Variants in PHF20 observed in about 807,000 individuals in gnomAD.
The protein encoded by PHF20 is glioma-expressed antigen 2.
A neutral mutation model predicts 113.5 loss-of-function variants in PHF20; 23 were observed. The observed-to-expected ratio is 0.20, with a 90% CI of 0.15 to 0.29. PHF20 has a LOEUF of 0.29. Among genes scored for constraint, PHF20 ranks in the 10% least tolerant of loss-of-function variants. The pLI is 1.00. For missense variants in PHF20, 943 were observed against 1,219.6 expected, an observed-to-expected ratio of 0.77 and a Z score of 3.38; for synonymous variants, 434 against 457.3, an observed-to-expected ratio of 0.95 and a Z score of 0.65.
At position 35,949,330 on chromosome 20, in the gene PHF20, G is replaced by A. The variant is rs530375826; in HGVS notation, c.*1703G>A. On this transcript the variant is annotated 3_prime_UTR_variant, in exon 18 of 18. Coordinates refer to ENST00000374012, the MANE Select transcript of PHF20 (RefSeq NM_016436.5). ...TGCAGTCTGAAAAGGGAAGAAACAG[G>A]ATGGCTTTCTGTAGCCACACCTGTG... 1.3e-5 allele frequency: 2 copies of A among 152,682 alleles called. No homozygotes were observed. Among genetic ancestry groups the A allele is most frequent in the African/African-American group, 4.8e-5 (2 of 41,590 alleles). The allele number at this position is 152,682 out of a possible 1,614,324, so 9.5% of individuals were successfully genotyped here. A position where few individuals can be genotyped will look rare whatever the true frequency, so the allele number is the denominator to read the frequency against.
intron 13 of PHF20, among the ~76,000 whole-genome samples, chr20:35,920,653 G>T (rs376526969): frequency 1.8e-4 from 28 of 152,280 alleles, no homozygotes; most frequent in African/African-American, 6.7e-4. Flanking sequence ...AGTGAAACAA[G>T]AAAAATTTGT....
Position 35,947,641 on chromosome 20 carries a change from A to T in PHF20, c.*14A>T. ...TGCTCAACATGAAACTGGGCACCCAAAACTCATGGGGGCACAATCCTGGGG... is the reference window on the plus strand; with the variant it reads ...TGCTCAACATGAAACTGGGCACCCATAACTCATGGGGGCACAATCCTGGGG... On this transcript the variant is annotated 3_prime_UTR_variant, in exon 18 of 18. Transcript: ENST00000374012. 2 of 1,611,514 alleles carry T rather than the reference A, an allele frequency of 1.2e-6. No individual in the cohort carries two copies. Among genetic ancestry groups the T allele is most frequent in the Non-Finnish European group, 1.7e-6 (2 of 1,178,250 alleles).
chr20:35,835,820 C>G (rs1416493550), intron 2 of PHF20, among the ~76,000 whole-genome samples: 5 of 152,012 alleles, frequency 3.3e-5, no homozygotes, highest in African/African-American at 1.2e-4. Context: ...GTCCCAGCTA[C>G]TGGGGAGGCT....
At chr20:35,882,718 A>G (rs1420087237) in intron 9 of PHF20, among the ~76,000 whole-genome samples, 1 of 152,134 alleles carries the variant, frequency 6.6e-6, no homozygotes, top group African/African-American at 2.4e-5. Context: ...GCCCAGCCCT[A>G]TCTTCTTTCA....
intron 15 of PHF20, among the ~76,000 whole-genome samples, chr20:35,934,598 T>C (rs2064724): frequency 0.26 from 39,556 of 152,200 alleles, 6,176 homozygotes; most frequent in African/African-American, 0.44. Context: ...TTCACCTGCA[T>C]TTCAGCTCTA....
intron 13 of PHF20, among the ~76,000 whole-genome samples, chr20:35,921,480 C>T (rs1453944566): frequency 1.3e-5 from 2 of 151,698 alleles, no homozygotes; most frequent in East Asian, 1.9e-4. Context: ...CCCAGGAGTT[C>T]GAGACCAGCC....
intron 2 of PHF20, among the ~76,000 whole-genome samples, chr20:35,807,429 T>C (rs2041904251): frequency 6.7e-6 from 1 of 150,100 alleles, no homozygotes; most frequent in Admixed American, 6.7e-5. Flanking sequence ...TTGGGCTCAC[T>C]GCAACCTCCG....
At chr20:35,899,323 CTG>C in intron 9 of PHF20, 45 bp from the exon 10 acceptor site, 1 of 1,498,618 alleles carries the variant, frequency 6.7e-7, no homozygotes, top group Non-Finnish European at 9.1e-7. Context: ...TTTGTAATAA[CTG>C]GGATAAATAC....
At position 35,947,524 on chromosome 20, in the gene PHF20, C is replaced by T. The variant is rs748589731; in HGVS notation, c.2936C>T (p.Pro979Leu). 1.9e-6 allele frequency: 3 copies of T among 1,614,100 alleles called. No homozygotes were observed. Among genetic ancestry groups the T allele is most frequent in the Non-Finnish European group, 2.5e-6 (3 of 1,180,014 alleles). Reference protein sequence around the residue: ...SWLDYTGELEPPEPLARLPQL... With the variant: ...SWLDYTGELELPEPLARLPQL... ...CTGGACTACACTGGGGAACTGGAGC[C>T]CCCTGAGCCGCTGGCCAGGCTTCCG... The change falls in exon 18 of 18, where the codon CCC becomes CTC. Residue 979 changes from proline to leucine, a missense_variant. By Grantham distance (98) the Pro-to-Leu change is moderately conservative. Coordinates refer to ENST00000374012, the MANE Select transcript of PHF20 (RefSeq NM_016436.5).
chr20:35,855,173 C>A, intron 4 of PHF20: 1 of 830,024 alleles, frequency 1.2e-6, no homozygotes, highest in Non-Finnish European at 1.6e-6. Flanking sequence ...GCCAGAGTTG[C>A]ACCATGGTTG....
chr20:35,814,744 G>A, intron 2 of PHF20, among the ~76,000 whole-genome samples: 1 of 146,586 alleles, frequency 6.8e-6, no homozygotes, highest in East Asian at 2.0e-4. Flanking sequence ...GTAGTGGCGG[G>A]TGCCTGTAGT....
intron 2 of PHF20, among the ~76,000 whole-genome samples, chr20:35,822,661 CTGT>C (rs1447605610): frequency 6.7e-6 from 1 of 150,298 alleles, no homozygotes; most frequent in African/African-American, 2.5e-5. Context: ...TTGCAAGACC[CTGT>C]CTCTACAAAA....
chr20:35,826,729 G>A (rs1428684147), intron 2 of PHF20, among the ~76,000 whole-genome samples: 1 of 152,120 alleles, frequency 6.6e-6, no homozygotes, highest in Non-Finnish European at 1.5e-5. Context: ...AATTGGCAGT[G>A]TTCATTCTGT....
intron 2 of PHF20, among the ~76,000 whole-genome samples, chr20:35,806,114 C>T (rs1370020477): frequency 2.0e-5 from 3 of 151,014 alleles, no homozygotes; most frequent in African/African-American, 7.3e-5. Context: ...CTGCCCTCCT[C>T]AGCTTCCCAA....
At chr20:35,915,182 C>A (rs1321903034) in intron 12 of PHF20, among the ~76,000 whole-genome samples, 3 of 150,280 alleles carry the variant, frequency 2.0e-5, no homozygotes, top group Admixed American at 6.6e-5. Flanking sequence ...AAAGCCTTCT[C>A]ACTTGCTGCA....
chr20:35,940,780 T>C (rs1476699706), intron 16 of PHF20, 84 bp from the exon 17 acceptor site: 1 of 1,141,812 alleles, frequency 8.8e-7, no homozygotes, highest in East Asian at 2.4e-5. Flanking sequence ...AGCTAGTATT[T>C]CAGGTGGCTG....
chr20:35,776,765 C>G lies in PHF20; in HGVS notation c.-33+4686C>G, dbSNP rs376017457. 9.2e-5 allele frequency among the ~76,000 whole-genome samples: 14 copies of G among 152,130 alleles called. No individual in the cohort carries two copies. The East Asian group carries it at 2.7e-3, about 29-fold the overall frequency. ...TAACGGATTTGATCTGGATTTGGCT[C>G]TAGTCCTAGCTCTTCCATTTACTGT... is the stretch of plus-strand genomic sequence containing the variant. On this transcript the variant is annotated intron_variant, in intron 1 of 17. Coordinates refer to ENST00000374012, the MANE Select transcript of PHF20 (RefSeq NM_016436.5).
At chr20:35,847,983 G>A (rs2042652999) in intron 4 of PHF20, among the ~76,000 whole-genome samples, 1 of 152,108 alleles carries the variant, frequency 6.6e-6, no homozygotes, top group Admixed American at 6.6e-5. Context: ...TAGTAAAAGG[G>A]CAGACAAAGA....
chr20:35,782,981 G>T (rs1215485375), intron 1 of PHF20, among the ~76,000 whole-genome samples: 1 of 152,106 alleles, frequency 6.6e-6, no homozygotes, highest in Non-Finnish European at 1.5e-5. Flanking sequence ...ACTGCTTGAA[G>T]CCAGGAGTTT....
Sources: allele counts gnomAD v4.1 joint callset (sites outside exome capture counted in the v4.1 genomes callset), GRCh38; gene constraint gnomAD v4.1.1; transcripts MANE v1.5; gene names NCBI Gene and HGNC (gene_info 2026-07-23, HGNC 2026-07-21).